STK10: variants seen among roughly 807,000 people sequenced by gnomAD.
The protein encoded by STK10 is serine/threonine kinase 10.
STK10 carries 78 observed loss-of-function variants against 113.8 expected under a neutral mutation model. The observed-to-expected ratio is 0.69, with a 90% confidence interval of 0.57 to 0.83. The LOEUF is 0.83. Among genes scored for constraint, STK10 ranks in the 40% least tolerant of loss-of-function variants. The probability of loss-of-function intolerance (pLI) is 0.00; values close to 1 mark genes in which losing one functional copy is unlikely to be tolerated. For missense variants in STK10, 1,109 were observed against 1,280.1 expected, an observed-to-expected ratio of 0.87 and a Z score of 2.04; for synonymous variants, 465 against 494.7, an observed-to-expected ratio of 0.94 and a Z score of 0.80.
intron 4 of STK10, among the ~76,000 whole-genome samples, chr5:172,111,173 C>T (rs1242650247): frequency 2.0e-5 from 3 of 152,044 alleles, no homozygotes; most frequent in Non-Finnish European, 2.9e-5. Flanking sequence ...GGGAAGCTGG[C>T]CCCACCTTCC....
Position 172,045,023 on chromosome 5 carries a change from C to T in STK10, c.2767-1G>A. On this transcript the variant is annotated splice_acceptor_variant, in intron 18 of 18. Coordinates refer to ENST00000176763, the MANE Select transcript of STK10 (RefSeq NM_005990.4). LOFTEE classifies it high-confidence loss of function. ...TCTGGTTCAGATCCTCTTCCAGAGC[C>T]TAGGGAAGAGAGAGGATGGATGGCA... The T allele has an allele frequency of 6.2e-7, 1 of 1,614,084 alleles. No homozygotes were observed. The highest frequency in any genetic ancestry group is 8.5e-7 in the Non-Finnish European group (1 of 1,180,014).
intron 5 of STK10, 152 bp downstream of exon 5, chr5:172,107,628 A>G (rs1015657385): frequency 6.6e-6 from 4 of 608,258 alleles, no homozygotes; most frequent in Non-Finnish European, 8.5e-6. Flanking sequence ...CGGGAAAGCT[A>G]AACAGCTTGT....
intron 1 of STK10, among the ~76,000 whole-genome samples, chr5:172,174,424 G>T (rs536961294): frequency 6.6e-6 from 1 of 152,020 alleles, no homozygotes; most frequent in South Asian, 2.1e-4. Flanking sequence ...CACCCGCCTC[G>T]GCCTCCCAAA....
At chr5:172,049,236 T>G (rs567366220) in intron 18 of STK10, among the ~76,000 whole-genome samples, 151 of 152,266 alleles carry the variant, frequency 9.9e-4, no homozygotes, top group African/African-American at 3.1e-3. Context: ...AAATATGTGT[T>G]GCATTAATAC....
intron 15 of STK10, 112 bp downstream of exon 15, chr5:172,057,237 G>C (rs1008908736): frequency 2.0e-6 from 3 of 1,468,114 alleles, no homozygotes; most frequent in Non-Finnish European, 2.7e-6. Context: ...CCTCTTGGGG[G>C]CACTTGTCAT....
intron 10 of STK10, among the ~76,000 whole-genome samples, chr5:172,087,624 T>TTTATTTTA (rs201053673): frequency 2.3e-5 from 2 of 88,810 alleles, no homozygotes; most frequent in Admixed American, 9.7e-5. Context: ...TACTTATTTA[T>TTTATTTTA]TTTTTTTTTT....
chr5:172,079,207 C>T (rs1299970488), intron 12 of STK10, among the ~76,000 whole-genome samples: 1 of 152,212 alleles, frequency 6.6e-6, no homozygotes, highest in Non-Finnish European at 1.5e-5. Flanking sequence ...TTGTGCCAAT[C>T]TCCCCTTTGC....
rs1028161753 is a variant in STK10 at position 172,085,286 on chromosome 5, T to TTA, written c.1686-2204_1686-2203dup. 1.5e-4 allele frequency among the ~76,000 whole-genome samples: 23 copies of TTA among 151,562 alleles called. No homozygotes were observed. In the East Asian group the frequency reaches 1.9e-3, roughly 13 times the overall value. On this transcript the variant is annotated intron_variant, in intron 10 of 18. Transcript: ENST00000176763. ...AATTGACCTAAGCAACATGCCCTAA[T>TTA]TATATATATATATTTATGTTGTCAG...
chr5:172,096,298 C>T (rs1395524447), intron 8 of STK10, 128 bp downstream of exon 8: 6 of 1,457,132 alleles, frequency 4.1e-6, no homozygotes, highest in Non-Finnish European at 5.5e-6. Context: ...TGGGAGTCTG[C>T]AACCTCTGAG....
In STK10 at chr5:172,156,693, G is replaced by A. The variant is rs1339427845; in HGVS notation, c.252C>T (p.Ile84=). 1 of 1,614,152 alleles carries A rather than the reference G, an allele frequency of 6.2e-7. No homozygotes were observed. Among genetic ancestry groups the A allele is most frequent in the Non-Finnish European group, 8.5e-7 (1 of 1,180,008 alleles). ...TGTAGGGGTGGTCGCAGGTGGCCAG[G>A]ATCTCAATCTCCACGATGTAGTCCT... ...ELEDYIVEIE[I]LATCDHPYIV... is the part of the protein sequence containing the mutation. Residue 84 remains isoleucine (I), a synonymous_variant, in exon 2 of 19, where the codon ATC becomes ATT. Transcript: ENST00000176763.
intron 2 of STK10, among the ~76,000 whole-genome samples, chr5:172,134,564 T>G (rs921633303): frequency 6.6e-6 from 1 of 152,052 alleles, no homozygotes; most frequent in African/African-American, 2.4e-5. Context: ...AAAAAATAGA[T>G]ACCCTGGACT....
At position 172,055,705 on chromosome 5, in the gene STK10, C is replaced by T; in HGVS notation, c.2409G>A (p.Lys803=). 1.3e-6 allele frequency: 2 copies of T among 1,582,766 alleles called. No homozygotes were observed. Among genetic ancestry groups the T allele is most frequent in the East Asian group, 2.3e-5 (1 of 43,036 alleles). The change falls in exon 16 of 19, where the codon AAG becomes AAA. Residue 803 remains lysine, a synonymous_variant. Transcript: ENST00000176763. ...EQLKVRQQQE[K]ARLPKIQRSE... ...TCCTCTGGATCTTGGGCAGCCGCGC[C>T]TTTTCCTGTTGCTGCCGCACCTTCA...
intron 7 of STK10, among the ~76,000 whole-genome samples, chr5:172,103,985 T>A (rs1017389813): frequency 1.1e-4 from 16 of 152,078 alleles, no homozygotes; most frequent in African/African-American, 3.9e-4. Context: ...AACCCTGGAC[T>A]TTCCCGCCCC....
At chr5:172,090,877 G>A (rs1768685822) in intron 9 of STK10, among the ~76,000 whole-genome samples, 1 of 138,086 alleles carries the variant, frequency 7.2e-6, no homozygotes. Context: ...GGAGTTTGCA[G>A]AGAGCTTAGA....
intron 7 of STK10, among the ~76,000 whole-genome samples, chr5:172,100,912 G>A (rs2113756772): frequency 6.6e-6 from 1 of 152,226 alleles, no homozygotes. Flanking sequence ...CATTCGGAGA[G>A]GCAGCTTACC....
intron 1 of STK10, among the ~76,000 whole-genome samples, chr5:172,171,761 G>GAATAGAATAGAATAGAATAGAATA (rs59355985): frequency 2.0e-5 from 3 of 152,144 alleles, no homozygotes; most frequent in Non-Finnish European, 2.9e-5. Flanking sequence ...GAATAGAATA[G>GAATAGAATAGAATAGAATAGAATA]GCTGGGTCCA....
In STK10 at chr5:172,065,181, T is replaced by TC. The variant is rs1246447671; in HGVS notation, c.1990-370dup. ...TTTAGACATTTTTCCCTAATCCCTC[T>TC]CCCCCCATGAAATACTAGTCCAACA... On this transcript the variant is annotated intron_variant, in intron 12 of 18. Transcript: ENST00000176763. Among the ~76,000 whole-genome samples, 3 of 150,712 alleles carry TC rather than the reference T, an allele frequency of 2.0e-5. No homozygotes were observed. The East Asian group carries it at 5.9e-4, about 30-fold the overall frequency.
At chr5:172,136,378 G>A (rs916628366) in intron 2 of STK10, among the ~76,000 whole-genome samples, 3 of 152,036 alleles carry the variant, frequency 2.0e-5, no homozygotes, top group Non-Finnish European at 2.9e-5. Flanking sequence ...GGGTGGACAC[G>A]TGAGGTCAGG....
chr5:172,149,321 G>C (rs1341428336), intron 2 of STK10, among the ~76,000 whole-genome samples: 1 of 152,138 alleles, frequency 6.6e-6, no homozygotes, highest in Non-Finnish European at 1.5e-5. Flanking sequence ...ACCACCCCCT[G>C]CCTCCTGATT....
Sources: allele counts gnomAD v4.1 joint callset (sites outside exome capture counted in the v4.1 genomes callset), GRCh38; gene constraint gnomAD v4.1.1; transcripts MANE v1.5; gene names NCBI Gene and HGNC (gene_info 2026-07-23, HGNC 2026-07-21).